SYTL2: variants seen among roughly 807,000 people sequenced by gnomAD.
SYTL2 encodes synaptotagmin like 2, also known as synaptotagmin-like protein 2.
Under a neutral mutation model 198.7 loss-of-function variants are expected in SYTL2, and 165 were observed. The observed-to-expected ratio is 0.83, with a 90% confidence interval of 0.73 to 0.94. The LOEUF is 0.94. SYTL2 is among the 40% of genes least tolerant of loss of function. The probability of loss-of-function intolerance (pLI) is 0.00; values close to 1 mark genes in which losing one functional copy is unlikely to be tolerated. For synonymous variants in SYTL2, 966 were observed against 917.7 expected, an observed-to-expected ratio of 1.05 and a Z score of -0.95; for missense variants, 2,835 against 2,582.8, an observed-to-expected ratio of 1.10 and a Z score of -2.12.
chr11:85,831,397 G>A, the SYTL2 span, among the ~76,000 whole-genome samples: 6 of 152,070 alleles, frequency 3.9e-5, no homozygotes, highest in Non-Finnish European at 8.8e-5. Context: ...CAGCAGTGAT[G>A]GTCAAACTGC....
the SYTL2 span, among the ~76,000 whole-genome samples, chr11:85,819,529 C>T: frequency 1.3e-5 from 2 of 152,208 alleles, no homozygotes; most frequent in African/African-American, 4.8e-5. Context: ...GTAATTTAGC[C>T]TAAGCTTTTC....
the SYTL2 span, among the ~76,000 whole-genome samples, chr11:85,850,812 G>A: frequency 4.0e-5 from 6 of 150,336 alleles, no homozygotes; most frequent in Admixed American, 1.3e-4. Context: ...TTAAGAAAAT[G>A]TGGCACATAT....
intron 17 of SYTL2, among the ~76,000 whole-genome samples, chr11:85,699,622 G>A (rs1455105076): frequency 6.6e-6 from 1 of 152,118 alleles, no homozygotes; most frequent in African/African-American, 2.4e-5. Context: ...CTTTAGTTCA[G>A]TCACTATCCT....
chr11:85,834,397 T>A, the SYTL2 span, among the ~76,000 whole-genome samples: 1 of 152,162 alleles, frequency 6.6e-6, no homozygotes, highest in East Asian at 1.9e-4. Flanking sequence ...TCCTTTTTCT[T>A]TATGGTTTTG....
chr11:85,715,353 T>G (rs1384014569), intron 11 of SYTL2, among the ~76,000 whole-genome samples: 1 of 152,108 alleles, frequency 6.6e-6, no homozygotes, highest in Non-Finnish European at 1.5e-5. Flanking sequence ...GTTAATATTT[T>G]CCAAGGCACT....
At chr11:85,798,995 A>G (rs1200906213) in intron 1 of SYTL2, among the ~76,000 whole-genome samples, 1 of 152,228 alleles carries the variant, frequency 6.6e-6, no homozygotes, top group Non-Finnish European at 1.5e-5. Context: ...ACTTGCAAGC[A>G]GGCCTTTCTA....
chr11:85,758,374 A>T (rs988159492), intron 1 of SYTL2, among the ~76,000 whole-genome samples: 1 of 152,220 alleles, frequency 6.6e-6, no homozygotes, highest in African/African-American at 2.4e-5. Flanking sequence ...TGCAAAAATG[A>T]ACTGGTTCTC....
At chr11:85,789,560 C>T (rs190642993) in intron 1 of SYTL2, among the ~76,000 whole-genome samples, 25 of 151,184 alleles carry the variant, frequency 1.7e-4, no homozygotes, top group African/African-American at 4.9e-4. Flanking sequence ...AAAGCCTTAT[C>T]AGTTTTATTC....
Position 85,726,405 on chromosome 11 carries a change from A to G in SYTL2, c.2953T>C (p.Leu985=). Residue 985 remains leucine, a synonymous_variant, in exon 8 of 20, where the codon TTG becomes CTG. Transcript: ENST00000359152. ...QVYNPSQFEN[L]RKFWDLEANS... is the part of the protein sequence containing the mutation. ...GCTTCTAAGTCCCAAAACTTTCTCA[A>G]ATTCTCAAACTGAGAGGGATTATAG... is the stretch of plus-strand genomic sequence containing the variant. The G allele has an allele frequency of 6.2e-7, 1 of 1,613,218 alleles. No homozygotes were observed. Among genetic ancestry groups the G allele is most frequent in the Non-Finnish European group, 8.5e-7 (1 of 1,179,808 alleles).
intron 16 of SYTL2, among the ~76,000 whole-genome samples, chr11:85,703,026 T>C (rs1298463232): frequency 6.6e-6 from 1 of 152,180 alleles, no homozygotes; most frequent in African/African-American, 2.4e-5. Context: ...TAGATGGTTT[T>C]AACAACAGAA....
chr11:85,734,371 C>T lies in SYTL2; in HGVS notation c.958G>A (p.Asp320Asn), dbSNP rs1295945049. ...RISEKEHSLE[D>N]NSSPNSLEPL... ...TCCAGGGAGTTTGGGGAAGAGTTGTCTTCTAAAGAATGCTCCTTCTCAGAA... is the reference window on the plus strand; with the variant it reads ...TCCAGGGAGTTTGGGGAAGAGTTGTTTTCTAAAGAATGCTCCTTCTCAGAA... The change falls in exon 7 of 20, where the codon GAC (aspartate) becomes AAC (asparagine). Residue 320 changes from aspartate (D) to asparagine (N), a missense_variant. Around this residue, in one of 3 missense-constraint regions of SYTL2, gnomAD observed 2,645 missense variants for 2,381.7 expected, o/e 1.11. Transcript: ENST00000359152. 1 of 1,614,208 alleles carries T rather than the reference C, an allele frequency of 6.2e-7. No homozygotes were observed. Among genetic ancestry groups the T allele is most frequent in the East Asian group, 2.2e-5 (1 of 44,886 alleles).
intron 4 of SYTL2, 147 bp from the exon 5 acceptor site, chr11:85,737,803 T>C: frequency 2.9e-6 from 2 of 678,616 alleles, no homozygotes; most frequent in Admixed American, 5.4e-5. Context: ...TTATTCCCTA[T>C]CCCAGGGACA....
chr11:85,697,584 G>A (rs889945618), intron 18 of SYTL2, among the ~76,000 whole-genome samples: 9 of 152,180 alleles, frequency 5.9e-5, no homozygotes, highest in Non-Finnish European at 1.2e-4. Flanking sequence ...TACAATGACC[G>A]TTTGCAAATA....
At chr11:85,740,821 C>G (rs572924479) in intron 4 of SYTL2, among the ~76,000 whole-genome samples, 1 of 152,272 alleles carries the variant, frequency 6.6e-6, no homozygotes, top group African/African-American at 2.4e-5. Context: ...GGGTGCCCCT[C>G]CTAAAAGCAT....
At chr11:85,809,296 C>T (rs2093000737) in intron 1 of SYTL2, among the ~76,000 whole-genome samples, 1 of 152,174 alleles carries the variant, frequency 6.6e-6, no homozygotes, top group African/African-American at 2.4e-5. Context: ...GCAAACAGGG[C>T]CCTGCCCCAC....
chr11:85,747,351 A>C (rs992382417), intron 3 of SYTL2, among the ~76,000 whole-genome samples: 1 of 152,114 alleles, frequency 6.6e-6, no homozygotes, highest in Non-Finnish European at 1.5e-5. Flanking sequence ...CTATCATAGT[A>C]ACCTCCCTGG....
intron 1 of SYTL2, among the ~76,000 whole-genome samples, chr11:85,810,293 TAA>T (rs2093014484): frequency 6.6e-6 from 1 of 152,008 alleles, no homozygotes; most frequent in Admixed American, 6.6e-5. Context: ...AGGGGATTTA[TAA>T]AGAGAGGAGG....
intron 1 of SYTL2, among the ~76,000 whole-genome samples, chr11:85,789,857 T>C (rs2092705012): frequency 6.6e-6 from 1 of 152,168 alleles, no homozygotes; most frequent in Non-Finnish European, 1.5e-5. Context: ...TGATTTCTAT[T>C]ATTGAAATAA....
intron 1 of SYTL2, among the ~76,000 whole-genome samples, chr11:85,808,552 AT>A (rs774795603): frequency 6.6e-6 from 1 of 152,186 alleles, no homozygotes; most frequent in Non-Finnish European, 1.5e-5. Context: ...AGAGTGGAAA[AT>A]TCAAACAGTA....
Sources: allele counts gnomAD v4.1 joint callset (sites outside exome capture counted in the v4.1 genomes callset), GRCh38; gene constraint gnomAD v4.1.1; regional missense constraint gnomAD v4.1.1; transcripts MANE v1.5; gene names NCBI Gene and HGNC (gene_info 2026-07-23, HGNC 2026-07-21).